GRIN2B: variants seen among roughly 807,000 people sequenced by gnomAD.
The protein encoded by GRIN2B is glutamate receptor ionotropic, NMDA 2B.
A neutral mutation model predicts 114.5 loss-of-function variants in GRIN2B; 5 were observed. That is an observed-to-expected ratio of 0.04 (90% CI 0.02 to 0.09). The LOEUF is 0.09. Ranked by LOEUF, GRIN2B falls within the 10% of genes least tolerant of loss-of-function variation. GRIN2B has a pLI of 1.00. For missense variants in GRIN2B, 1,108 were observed against 1,943.5 expected, an observed-to-expected ratio of 0.57 and a Z score of 8.08; for synonymous variants, 787 against 745.1, an observed-to-expected ratio of 1.06 and a Z score of -0.92.
At chr12:13,739,733 C>T (rs547925757) in intron 4 of GRIN2B, among the ~76,000 whole-genome samples, 1 of 152,166 alleles carries the variant, frequency 6.6e-6, no homozygotes. Flanking sequence ...AATTTTGGAA[C>T]TGGGCTGAAT....
At chr12:13,614,016 CAAAAAA>C (rs77527098) in intron 8 of GRIN2B, among the ~76,000 whole-genome samples, 972 of 92,928 alleles carry the variant, frequency 0.01, 16 homozygotes, top group African/African-American at 0.031. Flanking sequence ...CCTTGCACAG[CAAAAAA>C]AAAAAAAAAA....
At chr12:13,948,296 A>G (rs1013140416) in intron 2 of GRIN2B, among the ~76,000 whole-genome samples, 5 of 152,172 alleles carry the variant, frequency 3.3e-5, no homozygotes, top group Admixed American at 2.6e-4. Flanking sequence ...ACCCTGCCCC[A>G]TATGTTTAAA....
chr12:13,708,663 T>C (rs1950385324), intron 4 of GRIN2B, among the ~76,000 whole-genome samples: 1 of 152,092 alleles, frequency 6.6e-6, no homozygotes, highest in African/African-American at 2.4e-5. Context: ...CATTTCTTTC[T>C]ATAAAATATC....
At chr12:13,825,493 A>ATATATATTTTTTTT (rs1555144006) in intron 3 of GRIN2B, among the ~76,000 whole-genome samples, 1,973 of 28,096 alleles carry the variant, frequency 0.07, 24 homozygotes, top group South Asian at 0.19. Flanking sequence ...ATATATATAT[A>ATATATATTTTTTTT]TTTTGTGTGT....
At chr12:13,584,943 T>C (rs1307846328) in intron 10 of GRIN2B, among the ~76,000 whole-genome samples, 1 of 152,146 alleles carries the variant, frequency 6.6e-6, no homozygotes, top group Non-Finnish European at 1.5e-5. Flanking sequence ...ACAGACCAAC[T>C]TGGGAGGGTA....
intron 10 of GRIN2B, among the ~76,000 whole-genome samples, chr12:13,573,386 G>T (rs940016138): frequency 6.7e-6 from 1 of 149,316 alleles, no homozygotes; most frequent in African/African-American, 2.5e-5. Context: ...AGGAGGCAGA[G>T]CAGGCAGTGA....
intron 3 of GRIN2B, among the ~76,000 whole-genome samples, chr12:13,769,655 G>GT (rs770647991): frequency 3.2e-4 from 48 of 152,314 alleles, no homozygotes; most frequent in Non-Finnish European, 6.2e-4. Flanking sequence ...ATTAAATACT[G>GT]TTTGCATCAG....
intron 10 of GRIN2B, among the ~76,000 whole-genome samples, chr12:13,591,548 T>C (rs994440760): frequency 1.3e-5 from 2 of 152,152 alleles, no homozygotes; most frequent in Non-Finnish European, 2.9e-5. Flanking sequence ...TAGCTTCTTG[T>C]CTTAGTTTTC....
chr12:13,551,571 T>C lies in GRIN2B; in HGVS notation c.*11212A>G, dbSNP rs1308914343. ...AACACTGGCTGCATAAATTATGATA[T>C]GTCTCTTTATCCCATTCTAAATGAA... On this transcript the variant is annotated 3_prime_UTR_variant, in exon 14 of 14. Coordinates refer to ENST00000609686, the MANE Select transcript of GRIN2B (RefSeq NM_000834.5). 3 of 152,228 alleles carry C rather than the reference T, an allele frequency of 2.0e-5. No homozygotes were observed. The allele number at this position is 152,228 out of a possible 1,614,324, so 9.4% of individuals were successfully genotyped here.
intron 2 of GRIN2B, among the ~76,000 whole-genome samples, chr12:13,972,605 T>C (rs1261976696): frequency 1.3e-5 from 2 of 152,176 alleles, no homozygotes; most frequent in African/African-American, 2.4e-5. Context: ...AAGGGGGCTC[T>C]TGGGGGCAGG....
At chr12:13,771,963 G>C (rs187256886) in intron 3 of GRIN2B, among the ~76,000 whole-genome samples, 1 of 152,224 alleles carries the variant, frequency 6.6e-6, no homozygotes, top group East Asian at 1.9e-4. Context: ...TCAGGGCCTG[G>C]TGTGGGTCCC....
Position 13,570,110 on chromosome 12 carries a change from A to G in GRIN2B, c.2172-93T>C, listed in dbSNP as rs937990837. The stretch of plus-strand genomic sequence containing the variant: ...AATATGAAGCAGTAGGGTTCCAGAA[A>G]ACTATGTGGAGAATTGGTTCAAAGT... On this transcript the variant is annotated intron_variant, in intron 11 of 13. Transcript: ENST00000609686. 3.9e-5 allele frequency: 34 copies of G among 865,018 alleles called. No homozygotes were observed. In the Admixed American group the frequency reaches 6.1e-4, roughly 16 times the overall value. The allele number at this position is 865,018 out of a possible 1,614,324, so 53.6% of individuals were successfully genotyped here. A position where few individuals can be genotyped will look rare whatever the true frequency, so the allele number is the denominator to read the frequency against.
In GRIN2B at chr12:13,547,981, A is replaced by ATTTTTTTTTTTTTTT. The variant is rs57206826; in HGVS notation, c.*14801_*14802insAAAAAAAAAAAAAAA. On this transcript the variant is annotated 3_prime_UTR_variant, in exon 14 of 14. Transcript: ENST00000609686. The stretch of plus-strand genomic sequence containing the variant: ...TGTGTATATATATATATATATATAT[A>ATTTTTTTTTTTTTTT]TTTTTTTTTTTTTTCTGAAAGCTAC... The ATTTTTTTTTTTTTTT allele has an allele frequency of 7.7e-4, 53 of 68,510 alleles. No homozygotes were observed. The highest frequency in any genetic ancestry group is 1.1e-3 in the Non-Finnish European group (37 of 34,350). The allele number at this position is 68,510 out of a possible 1,614,324, so 4.2% of individuals were successfully genotyped here. A position where few individuals can be genotyped will look rare whatever the true frequency, so the allele number is the denominator to read the frequency against.
chr12:13,617,573 C>A (rs1372323166), intron 5 of GRIN2B, among the ~76,000 whole-genome samples: 1 of 152,250 alleles, frequency 6.6e-6, no homozygotes, highest in African/African-American at 2.4e-5. Context: ...GGTTCTCATT[C>A]TCTCTGTCTC....
intron 10 of GRIN2B, among the ~76,000 whole-genome samples, chr12:13,599,290 G>C (rs1420602436): frequency 1.3e-5 from 2 of 152,086 alleles, no homozygotes; most frequent in Admixed American, 6.5e-5. Flanking sequence ...CATATGCCCA[G>C]CTAGGCCGAA....
intron 3 of GRIN2B, among the ~76,000 whole-genome samples, chr12:13,855,549 G>A (rs543738280): frequency 6.6e-6 from 1 of 152,194 alleles, no homozygotes; most frequent in Non-Finnish European, 1.5e-5. Flanking sequence ...GGCTCTAGGG[G>A]AGATTCCTTC....
chr12:13,671,001 AGAG>A (rs1243621752), intron 5 of GRIN2B, among the ~76,000 whole-genome samples: 1 of 152,152 alleles, frequency 6.6e-6, no homozygotes, highest in East Asian at 1.9e-4. Flanking sequence ...GAGTATTTTC[AGAG>A]GAGTACATAA....
chr12:13,892,076 G>T (rs1481120614), intron 2 of GRIN2B, among the ~76,000 whole-genome samples: 3 of 152,166 alleles, frequency 2.0e-5, no homozygotes. Flanking sequence ...ACTTGCCCAG[G>T]ATTCTACAGT....
chr12:13,699,234 C>T (rs1288484203), intron 4 of GRIN2B, among the ~76,000 whole-genome samples: 4 of 152,114 alleles, frequency 2.6e-5, no homozygotes, highest in African/African-American at 9.7e-5. Context: ...GGAAAGTTGG[C>T]TTCTCTGAGG....
Sources: gnomAD v4.1 joint callset for allele counts (sites outside exome capture counted in the v4.1 genomes callset) on GRCh38, gnomAD v4.1.1 for gene constraint, MANE v1.5 for transcripts, NCBI Gene and HGNC (gene_info 2026-07-23, HGNC 2026-07-21) for gene names.